Variants in USP45 observed in about 807,000 individuals in gnomAD.
USP45 encodes the protein ubiquitin carboxyl-terminal hydrolase 45.
Under a neutral mutation model 95.8 loss-of-function variants are expected in USP45, and 89 were observed. The observed-to-expected ratio is 0.93, with a 90% CI of 0.78 to 1.11. The LOEUF (loss-of-function observed/expected upper bound fraction) is 1.11, where lower values mean the gene tolerates loss of function less well. Among genes scored for constraint, USP45 ranks in the 50% least tolerant of loss-of-function variants. USP45 has a pLI of 0.00. For missense variants in USP45, 898 were observed against 942.5 expected, an observed-to-expected ratio of 0.95 and a Z score of 0.62; for synonymous variants, 281 against 316.2, an observed-to-expected ratio of 0.89 and a Z score of 1.18.
chr6:99,472,051 C>T (rs1789524669), intron 9 of USP45, among the ~76,000 whole-genome samples: 1 of 152,036 alleles, frequency 6.6e-6, no homozygotes, highest in Non-Finnish European at 1.5e-5. Context: ...TCCCAATGCA[C>T]CATTACGACT....
At chr6:99,512,346 T>C (rs1038058904) in intron 1 of USP45, among the ~76,000 whole-genome samples, 6 of 152,192 alleles carry the variant, frequency 3.9e-5, no homozygotes, top group African/African-American at 9.7e-5. Flanking sequence ...TGGGGGCCCA[T>C]AGAATACTCT....
intron 13 of USP45, among the ~76,000 whole-genome samples, chr6:99,453,892 G>A (rs185097925): frequency 7.6e-4 from 115 of 152,244 alleles, no homozygotes; most frequent in East Asian, 4.6e-3. Flanking sequence ...CCTGGGAGGC[G>A]GAGACTGCAG....
intron 4 of USP45, among the ~76,000 whole-genome samples, chr6:99,505,323 TG>T (rs1274240245): frequency 6.6e-6 from 1 of 152,148 alleles, no homozygotes; most frequent in Non-Finnish European, 1.5e-5. Flanking sequence ...TGAGATCCAG[TG>T]ATCATTTAAG....
At chr6:99,482,306 TG>T (rs2128705854) in intron 8 of USP45, 1 of 154,142 alleles carries the variant, frequency 6.5e-6, no homozygotes, top group African/African-American at 2.4e-5. Flanking sequence ...CATAAGGATT[TG>T]GTTTTTAAAC....
At chr6:99,506,857 C>CA (rs995306388) in intron 4 of USP45, among the ~76,000 whole-genome samples, 3 of 151,760 alleles carry the variant, frequency 2.0e-5, no homozygotes, top group African/African-American at 7.3e-5. Flanking sequence ...AGTTCACTAC[C>CA]AAAAAAATCA....
chr6:99,508,764 T>G lies in USP45; in HGVS notation c.119A>C (p.His40Pro), dbSNP rs768017792. Residue 40 changes from histidine (H) to proline (P), a missense_variant, in exon 3 of 18, where the codon CAT (histidine) becomes CCT (proline). Coordinates refer to ENST00000500704, the MANE Select transcript of USP45 (RefSeq NM_001346022.3). ...ATTCACGCTGATAGCATGACTTACA[T>G]GTTGGCAAGTTAAACCTACTGAATA... The part of the protein sequence containing the change: ...DDIAVGLTCQ[H>P]VSHAISVNHV... 3.1e-6 allele frequency: 5 copies of G among 1,611,164 alleles called. No homozygotes were observed. Among genetic ancestry groups the G allele is most frequent in the Admixed American group, 1.7e-5 (1 of 59,526 alleles).
chr6:99,483,053 T>G lies in USP45; in HGVS notation c.715-170A>C, dbSNP rs185968221. Among the ~76,000 whole-genome samples the G allele has an allele frequency of 2.0e-4, 31 of 152,330 alleles. No individual in the cohort carries two copies. The East Asian group carries it at 3.3e-3, about 16-fold the overall frequency. On this transcript the variant is annotated intron_variant, in intron 7 of 17. Coordinates refer to ENST00000500704, the MANE Select transcript of USP45 (RefSeq NM_001346022.3). ...ATATAAAAATGGAAAACAGAATACC[T>G]GCCTTGAAAAACACAGGTATTTTCA...
intron 1 of USP45, among the ~76,000 whole-genome samples, chr6:99,514,054 T>C (rs915645535): frequency 6.6e-6 from 1 of 152,180 alleles, no homozygotes; most frequent in African/African-American, 2.4e-5. Flanking sequence ...TATACAAATT[T>C]ACAAAACTGT....
intron 5 of USP45, chr6:99,502,060 A>C: frequency 7.9e-7 from 1 of 1,263,848 alleles, no homozygotes; most frequent in Non-Finnish European, 1.0e-6. Context: ...CTAGAGACTG[A>C]GTTAAATCAA....
intron 13 of USP45, among the ~76,000 whole-genome samples, chr6:99,448,961 C>G (rs59158090): frequency 0.043 from 6,585 of 152,194 alleles, 337 homozygotes; most frequent in East Asian, 0.27. Flanking sequence ...CCTTTACAGA[C>G]AAGCAAATGC....
At position 99,479,741 on chromosome 6, in the gene USP45, ACT is replaced by A. The variant is rs1245217700; in HGVS notation, c.845+3010_845+3011del. The stretch of plus-strand genomic sequence containing the variant: ...AACCTGATAAAAGGCATGTATGAAA[ACT>A]CTATAGTTATTATCACACTTACGTG... On this transcript the variant is annotated intron_variant, in intron 8 of 17. Coordinates refer to ENST00000500704, the MANE Select transcript of USP45 (RefSeq NM_001346022.3). Among the ~76,000 whole-genome samples the A allele has an allele frequency of 1.9e-4, 29 of 152,214 alleles. 1 individual carries two copies. The South Asian group carries it at 5.8e-3, about 30-fold the overall frequency.
intron 13 of USP45, among the ~76,000 whole-genome samples, chr6:99,464,309 A>AAAAC (rs1009633407): frequency 3.9e-5 from 6 of 152,342 alleles, no homozygotes; most frequent in East Asian, 1.9e-4. Flanking sequence ...TCCGTCTTAA[A>AAAAC]AAACAAACAA....
At chr6:99,483,011 T>G in intron 7 of USP45, 128 bp from the exon 8 acceptor site, 1 of 722,530 alleles carries the variant, frequency 1.4e-6, no homozygotes, top group Non-Finnish European at 1.9e-6. Flanking sequence ...GAAACTTTAT[T>G]ATTTCATAAA....
At chr6:99,479,936 A>T (rs1245681002) in intron 8 of USP45, among the ~76,000 whole-genome samples, 2 of 152,220 alleles carry the variant, frequency 1.3e-5, no homozygotes, top group Non-Finnish European at 2.9e-5. Context: ...AAAGATATAA[A>T]ATGATACAGA....
intron 6 of USP45, 120 bp downstream of exon 6, chr6:99,488,561 G>T: frequency 8.6e-7 from 1 of 1,160,394 alleles, no homozygotes. Context: ...TAAACAAAAG[G>T]AAAACAGAGA....
rs965701354 is a variant in USP45 at position 99,433,211 on chromosome 6, T to C, written c.*2505A>G. 6.6e-6 allele frequency: 1 copy of C among 152,640 alleles called. No homozygotes were observed. Among genetic ancestry groups the C allele is most frequent in the African/African-American group, 2.4e-5 (1 of 41,460 alleles). The allele number at this position is 152,640 out of a possible 1,614,324, so 9.5% of individuals were successfully genotyped here. The stretch of plus-strand genomic sequence containing the variant: ...GTGGTCTTCACAAGTTTTAAGAACA[T>C]TAAATGACAATATTGGCACATAATC... On this transcript the variant is annotated 3_prime_UTR_variant, in exon 18 of 18. Transcript: ENST00000500704.
intron 5 of USP45, among the ~76,000 whole-genome samples, chr6:99,489,650 T>C (rs931912065): frequency 6.6e-5 from 10 of 152,154 alleles, no homozygotes; most frequent in African/African-American, 2.4e-4. Flanking sequence ...TAATGCAGAT[T>C]TGAAAATTAT....
chr6:99,435,945 T>C (rs1165693235), intron 17 of USP45, 99 bp from the exon 18 acceptor site: 1 of 1,234,112 alleles, frequency 8.1e-7, no homozygotes, highest in Non-Finnish European at 1.1e-6. Context: ...CTCTATCTAA[T>C]GCCAAATTTT....
At position 99,508,661 on chromosome 6, in the gene USP45, C is replaced by T; in HGVS notation, c.222G>A (p.Gly74=). The change falls in exon 3 of 18, where the codon GGG becomes GGA. Residue 74 remains glycine (G), a synonymous_variant. Coordinates refer to ENST00000500704, the MANE Select transcript of USP45 (RefSeq NM_001346022.3). ...AAATATCAGAAGTAAGTACTAGCTG[C>T]CCATCATAGAATCTTCTTTCTTTTA... is the stretch of plus-strand genomic sequence containing the variant. ...ECLKERRFYD[G]QLVLTSDIWL... 1 of 1,613,836 alleles carries T rather than the reference C, an allele frequency of 6.2e-7. No homozygotes were observed. Among genetic ancestry groups the T allele is most frequent in the African/African-American group, 1.3e-5 (1 of 75,044 alleles).
Sources: gnomAD v4.1 joint callset for allele counts (sites outside exome capture counted in the v4.1 genomes callset) on GRCh38, gnomAD v4.1.1 for gene constraint, MANE v1.5 for transcripts, NCBI Gene and HGNC (gene_info 2026-07-23, HGNC 2026-07-21) for gene names.